The following INPP4B variants were observed in gnomAD, a reference collection of about 807,000 sequenced individuals.
INPP4B encodes the protein inositol polyphosphate-4-phosphatase type II B, also known as inositol polyphosphate 4-phosphatase type II.
In INPP4B, 55 loss-of-function variants were observed where a neutral mutation model predicts 122.5. The observed-to-expected ratio is 0.45, with a 90% confidence interval of 0.36 to 0.56. INPP4B has a LOEUF of 0.56. INPP4B is among the 20% of genes least tolerant of loss of function. The pLI, the probability that INPP4B is intolerant of heterozygous loss-of-function variation, is 0.00. For synonymous variants in INPP4B, 403 were observed against 388.7 expected (o/e 1.04, Z -0.43); for missense variants, 1,000 against 1,097.7 (o/e 0.91, Z 1.26).
intron 7 of INPP4B, among the ~76,000 whole-genome samples, chr4:142,377,078 A>T (rs1792178984): frequency 6.6e-6 from 1 of 151,694 alleles, no homozygotes; most frequent in South Asian, 2.1e-4. Context: ...AATGGCACTT[A>T]AGCCTTAATT....
intron 7 of INPP4B, among the ~76,000 whole-genome samples, chr4:142,354,427 G>T (rs1782926339): frequency 6.6e-6 from 1 of 151,940 alleles, no homozygotes; most frequent in South Asian, 2.1e-4. Flanking sequence ...GAAGATTCTT[G>T]TGTCCCCCAC....
At chr4:142,282,286 C>T (rs1273069967) in intron 9 of INPP4B, among the ~76,000 whole-genome samples, 2 of 152,086 alleles carry the variant, frequency 1.3e-5, no homozygotes, top group African/African-American at 4.8e-5. Flanking sequence ...GAAGTGAATC[C>T]TGGTTACCCT....
chr4:142,670,793 T>C (rs181557029), intron 2 of INPP4B, among the ~76,000 whole-genome samples: 4 of 152,270 alleles, frequency 2.6e-5, no homozygotes, highest in Admixed American at 2.0e-4. Context: ...AGAGAGTAGA[T>C]GTAAACTGTT....
intron 7 of INPP4B, among the ~76,000 whole-genome samples, chr4:142,332,465 C>T (rs1463078800): frequency 2.0e-5 from 3 of 151,078 alleles, no homozygotes; most frequent in African/African-American, 7.3e-5. Flanking sequence ...AAATAGTTCT[C>T]AATGTCCTTG....
At chr4:142,673,718 C>T (rs774566203) in intron 2 of INPP4B, among the ~76,000 whole-genome samples, 2 of 152,090 alleles carry the variant, frequency 1.3e-5, no homozygotes, top group Admixed American at 1.3e-4. Context: ...GAAGGACAAC[C>T]TGAGTGTCAG....
intron 7 of INPP4B, 33 bp from the exon 8 acceptor site, chr4:142,314,795 GA>G (rs1472627880): frequency 1.3e-6 from 2 of 1,571,352 alleles, no homozygotes; most frequent in Non-Finnish European, 1.7e-6. Flanking sequence ...TAAGACTTTG[GA>G]GTAGAAACTA....
intron 1 of INPP4B, among the ~76,000 whole-genome samples, chr4:142,844,803 G>A (rs1341987768): frequency 6.6e-6 from 1 of 152,188 alleles, no homozygotes; most frequent in Non-Finnish European, 1.5e-5. Context: ...AACTCATTAA[G>A]AAAAGTCCTT....
At chr4:142,281,878 C>A (rs552683392) in intron 9 of INPP4B, among the ~76,000 whole-genome samples, 1 of 151,970 alleles carries the variant, frequency 6.6e-6, no homozygotes, top group East Asian at 1.9e-4. Context: ...ATAATAAAAT[C>A]ATTTTAAAAT....
chr4:142,141,889 C>T (rs560135716), intron 18 of INPP4B, among the ~76,000 whole-genome samples: 1 of 151,962 alleles, frequency 6.6e-6, no homozygotes, highest in Non-Finnish European at 1.5e-5. Context: ...AAAAGAAAAA[C>T]TGTCATAGGA....
At chr4:142,456,094 T>C (rs2149545785) in intron 3 of INPP4B, among the ~76,000 whole-genome samples, 1 of 152,166 alleles carries the variant, frequency 6.6e-6, no homozygotes, top group Middle Eastern at 3.4e-3. Context: ...TTTCTCCCAT[T>C]CTGTGAATTG....
chr4:142,629,035 A>G (rs1747278247), intron 2 of INPP4B, among the ~76,000 whole-genome samples: 2 of 152,068 alleles, frequency 1.3e-5, no homozygotes, highest in African/African-American at 4.8e-5. Context: ...GCAATTAATA[A>G]TCCAGAAACA....
rs1736205216 is a variant in INPP4B at position 142,023,831 on chromosome 4, G to A, written c.*4951C>T. The A allele has an allele frequency of 6.6e-6, 1 of 151,654 alleles. No individual in the cohort carries two copies. The highest frequency in any genetic ancestry group is 1.5e-5 in the Non-Finnish European group (1 of 67,928). 9.4% of individuals were successfully genotyped at this position (151,654 alleles called of 1,614,324 possible). A position where few individuals can be genotyped will look rare whatever the true frequency, so the allele number is the denominator to read the frequency against. ...ACTTGTATTAGGTCTTCCTTCCCTT[G>A]GTACTCACTCTCTGTGGGTACCATA... On this transcript the variant is annotated 3_prime_UTR_variant, in exon 26 of 26. Coordinates refer to ENST00000262992, the MANE Select transcript of INPP4B (RefSeq NM_001101669.3).
chr4:142,363,412 A>G (rs190263034), intron 7 of INPP4B, among the ~76,000 whole-genome samples: 2 of 152,010 alleles, frequency 1.3e-5, no homozygotes, highest in Admixed American at 1.3e-4. Flanking sequence ...ATAGAGCTAT[A>G]TTATTGTTAC....
intron 2 of INPP4B, among the ~76,000 whole-genome samples, chr4:142,484,872 G>A (rs1447963561): frequency 6.6e-6 from 1 of 151,956 alleles, no homozygotes; most frequent in Non-Finnish European, 1.5e-5. Flanking sequence ...TTGTTTAGAT[G>A]TTATAAAAAC....
At chr4:142,233,980 T>C (rs1016345184) in intron 12 of INPP4B, among the ~76,000 whole-genome samples, 4 of 152,112 alleles carry the variant, frequency 2.6e-5, no homozygotes, top group African/African-American at 9.7e-5. Context: ...CCTAACCCTA[T>C]ATAATAATGT....
chr4:142,334,046 T>C (rs757824971), intron 7 of INPP4B, among the ~76,000 whole-genome samples: 10 of 152,170 alleles, frequency 6.6e-5, no homozygotes, highest in Non-Finnish European at 1.3e-4. Flanking sequence ...CCCTGCCAAA[T>C]ACCATTCTAA....
chr4:142,628,261 G>A (rs951060486), intron 2 of INPP4B, among the ~76,000 whole-genome samples: 1 of 148,112 alleles, frequency 6.8e-6, no homozygotes, highest in Non-Finnish European at 1.5e-5. Context: ...GTCCTTTGTA[G>A]GGACATGGAT....
chr4:142,307,059 G>A (rs1451794338), intron 8 of INPP4B, among the ~76,000 whole-genome samples: 2 of 152,104 alleles, frequency 1.3e-5, no homozygotes, highest in African/African-American at 4.8e-5. Flanking sequence ...GGAACATTAG[G>A]CAAAAAATAG....
chr4:142,699,428 T>C (rs539244536), intron 2 of INPP4B, among the ~76,000 whole-genome samples: 1 of 152,308 alleles, frequency 6.6e-6, no homozygotes, highest in East Asian at 1.9e-4. Flanking sequence ...TTATGCTCAC[T>C]TGGGAAAATC....
Sources: gnomAD v4.1 joint callset for allele counts (sites outside exome capture counted in the v4.1 genomes callset) on GRCh38, gnomAD v4.1.1 for gene constraint, MANE v1.5 for transcripts, NCBI Gene and HGNC (gene_info 2026-07-23, HGNC 2026-07-21) for gene names.